MGA: variants seen among roughly 807,000 people sequenced by gnomAD.
MGA encodes MAX dimerization protein MGA.
A neutral mutation model predicts 261.1 loss-of-function variants in MGA; 40 were observed. The observed-to-expected ratio is 0.15, with a 90% confidence interval of 0.12 to 0.20. MGA has a LOEUF of 0.20. Among genes scored for constraint, MGA ranks in the 10% least tolerant of loss-of-function variants. The pLI, the probability that MGA is intolerant of heterozygous loss-of-function variation, is 1.00. For missense variants in MGA, 3,397 were observed against 3,630.5 expected, an observed-to-expected ratio of 0.94 and a Z score of 1.65; for synonymous variants, 1,302 against 1,290.6, an observed-to-expected ratio of 1.01 and a Z score of -0.19.
chr15:41,759,974 G>T (rs932830295), intron 19 of MGA, among the ~76,000 whole-genome samples: 1 of 152,020 alleles, frequency 6.6e-6, no homozygotes, highest in Non-Finnish European at 1.5e-5. Flanking sequence ...AACATTTAAT[G>T]TAATTTGTAT....
intron 11 of MGA, 66 bp from the exon 12 acceptor site, chr15:41,734,456 T>TC: frequency 8.0e-7 from 1 of 1,253,754 alleles, no homozygotes; most frequent in South Asian, 1.4e-5. Context: ...AATGCTTGTG[T>TC]CCAAGTTTCT....
At chr15:41,675,628 C>T (rs2058333275) in intron 2 of MGA, among the ~76,000 whole-genome samples, 1 of 152,172 alleles carries the variant, frequency 6.6e-6, no homozygotes, top group African/African-American at 2.4e-5. Context: ...CCTCCTACCT[C>T]AGCCTCTGAA....
At chr15:41,701,867 A>G (rs1240627676) in intron 5 of MGA, among the ~76,000 whole-genome samples, 1 of 152,230 alleles carries the variant, frequency 6.6e-6, no homozygotes, top group Non-Finnish European at 1.5e-5. Flanking sequence ...AAATTTATTC[A>G]ACTACATGCT....
intron 15 of MGA, 81 bp from the exon 16 acceptor site, chr15:41,748,556 A>G: frequency 2.8e-6 from 4 of 1,450,876 alleles, no homozygotes; most frequent in Non-Finnish European, 3.7e-6. Flanking sequence ...ACTGTGTCTT[A>G]AAAAATATTA....
chr15:41,735,963 T>G (rs2151789934), intron 12 of MGA, among the ~76,000 whole-genome samples: 1 of 152,292 alleles, frequency 6.6e-6, no homozygotes, highest in Middle Eastern at 3.4e-3. Context: ...AACTACCTGT[T>G]AGAGCCCAGT....
intron 2 of MGA, among the ~76,000 whole-genome samples, chr15:41,680,517 G>A (rs1169488703): frequency 6.6e-6 from 1 of 152,166 alleles, no homozygotes; most frequent in African/African-American, 2.4e-5. Flanking sequence ...TAGGCCACCT[G>A]TACTTTTCAC....
At chr15:41,662,110 T>A (rs1359951877) in intron 1 of MGA, among the ~76,000 whole-genome samples, 3 of 152,128 alleles carry the variant, frequency 2.0e-5, no homozygotes, top group Non-Finnish European at 4.4e-5. Context: ...ACAGCGCTAG[T>A]GTTTCTTGCC....
At chr15:41,707,261 C>G (rs1015272034) in intron 5 of MGA, among the ~76,000 whole-genome samples, 1 of 152,204 alleles carries the variant, frequency 6.6e-6, no homozygotes, top group African/African-American at 2.4e-5. Context: ...GTTGGGTCCT[C>G]TGCTTAGGGT....
At chr15:41,736,159 T>C in intron 12 of MGA, 22 bp from the exon 13 acceptor site, 2 of 1,472,730 alleles carry the variant, frequency 1.4e-6, no homozygotes, top group Non-Finnish European at 1.8e-6. Context: ...ACTTTTTCTT[T>C]TTTATTATTA....
At position 41,729,392 on chromosome 15, in the gene MGA, C is replaced by T. The variant is rs755951526; in HGVS notation, c.3843+43C>T. ...TAAGTTCTTTTTAACTTCTGATTACCTGTTTTTGGTATTAAGATTTGTATT... is the reference window on the plus strand; with the variant it reads ...TAAGTTCTTTTTAACTTCTGATTACTTGTTTTTGGTATTAAGATTTGTATT... On this transcript the variant is annotated intron_variant, in intron 11 of 23. Coordinates refer to ENST00000219905, the MANE Select transcript of MGA (RefSeq NM_001164273.2). 4.5e-6 allele frequency: 7 copies of T among 1,548,558 alleles called. No homozygotes were observed. In the Admixed American group the frequency reaches 1.3e-4, roughly 29 times the overall value.
At chr15:41,762,014 A>C (rs1338156381) in intron 21 of MGA, 115 bp from the exon 22 acceptor site, 13 of 1,047,984 alleles carry the variant, frequency 1.2e-5, no homozygotes, top group Non-Finnish European at 6.9e-6. Flanking sequence ...AATTGTAATC[A>C]CCTTACTTTC....
intron 2 of MGA, among the ~76,000 whole-genome samples, chr15:41,675,214 AT>A (rs2058310614): frequency 6.6e-6 from 1 of 152,208 alleles, no homozygotes; most frequent in Non-Finnish European, 1.5e-5. Flanking sequence ...CACTGCCAGA[AT>A]TTTCCAAAAG....
intron 1 of MGA, among the ~76,000 whole-genome samples, chr15:41,629,122 A>G (rs2056532412): frequency 6.6e-6 from 1 of 151,814 alleles, no homozygotes; most frequent in Non-Finnish European, 1.5e-5. Context: ...AAAAAAAAAA[A>G]AAAAGAAGCC....
intron 22 of MGA, 50 bp from the exon 23 acceptor site, chr15:41,764,836 A>G (rs2063716102): frequency 1.3e-6 from 2 of 1,581,144 alleles, no homozygotes; most frequent in Non-Finnish European, 1.7e-6. Context: ...GAGCCACCAC[A>G]CCCAGCTGAA....
Position 41,696,116 on chromosome 15 carries a change from C to T in MGA, c.1106C>T (p.Ser369Leu), listed in dbSNP as rs936601670. The change falls in exon 3 of 24, where the codon TCA (serine) becomes TTA (leucine). Residue 369 changes from serine to leucine, a missense_variant. Ser to Leu is a moderately radical substitution (Grantham distance 145). Coordinates refer to ENST00000219905, the MANE Select transcript of MGA (RefSeq NM_001164273.2). Reference sequence around the variant, plus strand: ...TTTGAAGATGACTCCCGTGTAGCCTCACCGTTAGACCAGAACGGAAGCTTC... The same window carrying T: ...TTTGAAGATGACTCCCGTGTAGCCTTACCGTTAGACCAGAACGGAAGCTTC... The T allele has an allele frequency of 6.2e-7, 1 of 1,613,506 alleles. No homozygotes were observed. The highest frequency in any genetic ancestry group is 8.5e-7 in the Non-Finnish European group (1 of 1,179,768).
rs1195973566 is a variant in MGA, at chr15:41,669,675, G to C, written c.781G>C (p.Asp261His). The change falls in exon 2 of 24, where the codon GAT (aspartate) becomes CAT (histidine). Residue 261 changes from aspartate to histidine, a missense_variant. Physicochemically the swap from Asp to His is moderately conservative, Grantham distance 81. Around this residue, in one of 9 missense-constraint regions of MGA, gnomAD observed 563 missense variants for 563.6 expected, o/e 1.00. Transcript: ENST00000219905. ...TCCATTTGCCAAAGGCTTTCGGGAT[G>C]ATGGGCTGAATAATAAGCCCCAGAG... The C allele has an allele frequency of 2.5e-6, 4 of 1,613,650 alleles. No homozygotes were observed. The highest frequency in any genetic ancestry group is 2.2e-5 in the South Asian group (2 of 91,046).
At chr15:41,761,130 G>T (rs539396631) in intron 20 of MGA, among the ~76,000 whole-genome samples, 1 of 152,156 alleles carries the variant, frequency 6.6e-6, no homozygotes, top group African/African-American at 2.4e-5. Context: ...AGAAACTCTG[G>T]TTAGCCATGT....
intron 4 of MGA, 48 bp downstream of exon 4, chr15:41,698,989 A>G: frequency 6.5e-7 from 1 of 1,545,852 alleles, no homozygotes; most frequent in Non-Finnish European, 8.8e-7. Flanking sequence ...TTTGGGCTCC[A>G]GCAATGAAAC....
intron 1 of MGA, among the ~76,000 whole-genome samples, chr15:41,666,139 C>T (rs191141225): frequency 2.0e-5 from 3 of 151,042 alleles, no homozygotes; most frequent in Admixed American, 6.6e-5. Context: ...AAACGTTACT[C>T]CCACATGGGC....
Sources: allele counts gnomAD v4.1 joint callset (sites outside exome capture counted in the v4.1 genomes callset), GRCh38; gene constraint gnomAD v4.1.1; regional missense constraint gnomAD v4.1.1; transcripts MANE v1.5; gene names NCBI Gene and HGNC (gene_info 2026-07-23, HGNC 2026-07-21).